The following TSPEAR variants were observed in gnomAD, a reference collection of about 807,000 sequenced individuals.
The protein encoded by TSPEAR is thrombospondin-type laminin G domain and EAR repeat-containing protein.
Under a neutral mutation model 71.6 loss-of-function variants are expected in TSPEAR, and 69 were observed. The observed-to-expected ratio is 0.96, with a 90% CI of 0.79 to 1.18. TSPEAR has a LOEUF of 1.18. Among genes scored for constraint, TSPEAR ranks in the 50% most tolerant of loss-of-function variants. The pLI is 0.00. For missense variants in TSPEAR, 971 were observed against 894.9 expected (o/e 1.09, Z -1.09); for synonymous variants, 402 against 387.2 (o/e 1.04, Z -0.45).
rs2052282932 is a variant in TSPEAR, at chr21:44,509,128, T to A, written c.1754+71A>T. 9.8e-6 allele frequency: 15 copies of A among 1,525,716 alleles called. No individual in the cohort carries two copies. The South Asian group carries it at 1.7e-4, about 17-fold the overall frequency. 94.5% of individuals were successfully genotyped at this position (1,525,716 alleles called of 1,614,324 possible). A position where few individuals can be genotyped will look rare whatever the true frequency, so the allele number is the denominator to read the frequency against. On this transcript the variant is annotated intron_variant, in intron 10 of 11. Transcript: ENST00000323084. ...ACGGGAAGGGTGGTGAGGATGAGCC[T>A]AACGGGGATTCCGACATGGTGGGCC...
intron 1 of TSPEAR, among the ~76,000 whole-genome samples, chr21:44,646,081 C>T (rs991643509): frequency 1.1e-3 from 139 of 129,010 alleles, no homozygotes; most frequent in African/African-American, 3.6e-3. Context: ...GCTGAGATCG[C>T]GCCACTGCAC....
rs1174743399 is a variant in TSPEAR, at chr21:44,526,462, CA to C, written c.1150-624del. ...CTTTGATGCAAAGTTTTTTTTATAACAAAAAATTAAAACCTTATGATGTCAT... is the reference window on the plus strand; with the variant it reads ...CTTTGATGCAAAGTTTTTTTTATAACAAAAATTAAAACCTTATGATGTCAT... On this transcript the variant is annotated intron_variant, in intron 7 of 11. Coordinates refer to ENST00000323084, the MANE Select transcript of TSPEAR (RefSeq NM_144991.3). 2.1e-5 allele frequency among the ~76,000 whole-genome samples: 3 copies of C among 145,738 alleles called. No homozygotes were observed. The East Asian group carries it at 5.9e-4, about 29-fold the overall frequency.
intron 1 of TSPEAR, among the ~76,000 whole-genome samples, chr21:44,707,668 A>G (rs1555952741): frequency 6.6e-6 from 1 of 152,180 alleles, no homozygotes; most frequent in African/African-American, 2.4e-5. Context: ...TTTGCGCTTC[A>G]GGAGTCCCAG....
rs1555918800 is a variant in TSPEAR at position 44,551,227 on chromosome 21, A to G, written c.303+16558T>C. On this transcript the variant is annotated intron_variant, in intron 2 of 11. Coordinates refer to ENST00000323084, the MANE Select transcript of TSPEAR (RefSeq NM_144991.3). ...TGGCAGCTAGACTGCTGGCAGCACG[A>G]GGGCGTGCAGGAGCTGGTGCAGCCT... 1.2e-6 allele frequency: 2 copies of G among 1,613,998 alleles called. No homozygotes were observed. Among genetic ancestry groups the G allele is most frequent in the Non-Finnish European group, 8.5e-7 (1 of 1,179,944 alleles).
At chr21:44,500,500 G>A (rs1475983667) in intron 11 of TSPEAR, among the ~76,000 whole-genome samples, 4 of 152,228 alleles carry the variant, frequency 2.6e-5, no homozygotes, top group Non-Finnish European at 4.4e-5. Flanking sequence ...GCAGGGCGCC[G>A]ACATCAAAGG....
chr21:44,650,047 C>A (rs587692749), intron 1 of TSPEAR, among the ~76,000 whole-genome samples: 444 of 152,268 alleles, frequency 2.9e-3, no homozygotes, highest in Non-Finnish European at 4.8e-3. Flanking sequence ...CACAGTGAGA[C>A]CCCATCTCCA....
At chr21:44,691,972 A>T (rs989808451) in intron 1 of TSPEAR, among the ~76,000 whole-genome samples, 6 of 152,228 alleles carry the variant, frequency 3.9e-5, no homozygotes. Context: ...AAATACTAGC[A>T]AAGTGATTCC....
rs1205316092 is a variant in TSPEAR, at chr21:44,504,818, G to A, written c.1818C>T (p.Phe606=). 1.2e-5 allele frequency: 20 copies of A among 1,613,568 alleles called. No homozygotes were observed. Among genetic ancestry groups the A allele is most frequent in the African/African-American group, 4.0e-5 (3 of 74,774 alleles). The change falls in exon 11 of 12, where the codon TTC becomes TTT. Residue 606 remains phenylalanine (F), a synonymous_variant. Coordinates refer to ENST00000323084, the MANE Select transcript of TSPEAR (RefSeq NM_144991.3). ...EDYFLVVANS[F]DGRTFSVNSI... ...TGTTCACCGAGAAGGTACGCCCATCGAAGGAGTTGGCCACCACCAGGAAAT... is the reference window on the plus strand; with the variant it reads ...TGTTCACCGAGAAGGTACGCCCATCAAAGGAGTTGGCCACCACCAGGAAAT...
intron 1 of TSPEAR, among the ~76,000 whole-genome samples, chr21:44,670,156 A>G (rs926193): frequency 0.76 from 115,583 of 152,204 alleles, 44,244 homozygotes; most frequent in African/African-American, 0.85. Context: ...AACAGAATAA[A>G]GGGCACATAA....
chr21:44,637,503 C>A, intron 1 of TSPEAR: 1 of 1,613,258 alleles, frequency 6.2e-7, no homozygotes, highest in African/African-American at 1.3e-5. Context: ...TGCTGCGAGC[C>A]CTGCTGCTGT....
At chr21:44,665,266 G>A (rs1555944427) in intron 1 of TSPEAR, among the ~76,000 whole-genome samples, 1 of 152,170 alleles carries the variant, frequency 6.6e-6, no homozygotes, top group Non-Finnish European at 1.5e-5. Flanking sequence ...TAAAAATCTT[G>A]GAATCGAAGG....
intron 1 of TSPEAR, among the ~76,000 whole-genome samples, chr21:44,635,481 C>T (rs1983502072): frequency 6.6e-6 from 1 of 151,922 alleles, no homozygotes; most frequent in South Asian, 2.1e-4. Flanking sequence ...GAATATGATT[C>T]AGCCAAGAAA....
chr21:44,573,741 A>G, intron 1 of TSPEAR: 1 of 1,604,086 alleles, frequency 6.2e-7, no homozygotes, highest in Non-Finnish European at 8.5e-7. Flanking sequence ...CTCAACCCCC[A>G]GCACAGCAGC....
chr21:44,589,658 C>A lies in TSPEAR; in HGVS notation c.83-21653G>T, dbSNP rs587708704. ...GCAGGGGTCAGAGGTGAGACCCCCC[C>A]ACCAGGAGATGTCCTCCCTGGGGAT... On this transcript the variant is annotated intron_variant, in intron 1 of 11. Transcript: ENST00000323084. Among the ~76,000 whole-genome samples the A allele has an allele frequency of 2.6e-5, 4 of 152,308 alleles. No homozygotes were observed. The South Asian group carries it at 8.3e-4, about 32-fold the overall frequency.
intron 1 of TSPEAR, among the ~76,000 whole-genome samples, chr21:44,683,358 A>C (rs1220848956): frequency 1.3e-5 from 2 of 152,214 alleles, no homozygotes; most frequent in African/African-American, 4.8e-5. Context: ...ATGATACCTC[A>C]TACACAATCA....
chr21:44,511,963 T>C (rs1282168833), intron 9 of TSPEAR, among the ~76,000 whole-genome samples: 1 of 151,988 alleles, frequency 6.6e-6, no homozygotes, highest in Non-Finnish European at 1.5e-5. Flanking sequence ...TGGAACGGGC[T>C]GCTGCAGATG....
chr21:44,511,385 T>C (rs1555912677), intron 9 of TSPEAR, among the ~76,000 whole-genome samples: 1 of 152,180 alleles, frequency 6.6e-6, no homozygotes, highest in African/African-American at 2.4e-5. Context: ...TATGCTTACA[T>C]TTTTACATGC....
At chr21:44,510,037 C>T (rs955273009) in intron 9 of TSPEAR, 1 of 152,750 alleles carries the variant, frequency 6.5e-6, no homozygotes, top group Admixed American at 6.5e-5. Flanking sequence ...GCTTGCCATT[C>T]CTCCATAAAT....
intron 10 of TSPEAR, chr21:44,508,950 G>A (rs782317592): frequency 3.3e-6 from 5 of 1,538,124 alleles, no homozygotes; most frequent in East Asian, 2.5e-5. Context: ...TGAAGGGGCA[G>A]AACTCCGCAC....
Sources: gnomAD v4.1 joint callset for allele counts (sites outside exome capture counted in the v4.1 genomes callset) on GRCh38, gnomAD v4.1.1 for gene constraint, MANE v1.5 for transcripts, NCBI Gene and HGNC (gene_info 2026-07-23, HGNC 2026-07-21) for gene names.